RHOT2: variants seen among roughly 807,000 people sequenced by gnomAD.
RHOT2 encodes the protein ras homolog family member T2, also known as mitochondrial Rho GTPase 2.
In RHOT2, 90 loss-of-function variants were observed where a neutral mutation model predicts 81.6. The observed-to-expected ratio is 1.10, with a 90% CI of 0.93 to 1.31. The LOEUF (loss-of-function observed/expected upper bound fraction) is 1.31. RHOT2 is among the 40% of genes most tolerant of loss of function. The pLI is 0.00. For synonymous variants in RHOT2, 512 were observed against 370.9 expected (o/e 1.38, Z -4.37); for missense variants, 1,014 against 841.9 (o/e 1.20, Z -2.53).
At chr16:673,229 C>T in intron 18 of RHOT2, 99 bp downstream of exon 18, 5 of 1,391,886 alleles carry the variant, frequency 3.6e-6, no homozygotes, top group Non-Finnish European at 5.0e-6. Context: ...CTAGCAGTGT[C>T]TGTCATCCGA....
At chr16:669,941 A>T in intron 5 of RHOT2, 182 bp from the exon 6 acceptor site, 1 of 631,146 alleles carries the variant, frequency 1.6e-6, no homozygotes, top group Non-Finnish European at 2.7e-6. Context: ...CATTGGGGTC[A>T]GACAGATGAG....
chr16:669,613 C>G lies in RHOT2; in HGVS notation c.276+7C>G, dbSNP rs372000119. The G allele has an allele frequency of 6.2e-7, 1 of 1,611,350 alleles. No homozygotes were observed. The highest frequency in any genetic ancestry group is 1.3e-5 in the African/African-American group (1 of 75,042). ...GGAGGCCACCATTGAGAAGGTGAGC[C>G]CTCAGTGCAGACCCCAACAGCAGAG... On this transcript the variant is annotated splice_region_variant and intron_variant, in intron 5 of 18. Coordinates refer to ENST00000315082, the MANE Select transcript of RHOT2 (RefSeq NM_138769.3).
In RHOT2 at chr16:670,292, G is replaced by A. The variant is rs1166423045; in HGVS notation, c.373G>A (p.Gly125Arg). 1.5e-5 allele frequency: 24 copies of A among 1,612,788 alleles called. No individual in the cohort carries two copies. Among genetic ancestry groups the A allele is most frequent in the Non-Finnish European group, 1.9e-5 (23 of 1,179,966 alleles). ...GGGCAACAAGTCAGACCTGCGGTCG[G>A]GGAGCTCCATGGAGGCCGTGCTCCC... ...LVGNKSDLRS[G>R]SSMEAVLPIM... The change falls in exon 7 of 19, where the codon GGG becomes AGG. Residue 125 changes from glycine (G) to arginine (R), a missense_variant. Transcript: ENST00000315082.
At position 671,904 on chromosome 16, in the gene RHOT2, C is replaced by T. The variant is rs151260311; in HGVS notation, c.999C>T (p.Phe333=). The change falls in exon 13 of 19, where the codon TTC becomes TTT. Residue 333 remains phenylalanine (F), a synonymous_variant. Coordinates refer to ENST00000315082, the MANE Select transcript of RHOT2 (RefSeq NM_138769.3). The part of the protein sequence containing the change: ...ALSPVELQSL[F]SVFPAAPWGP... ...CGCCCGTGGAGCTGCAAAGCCTTTT[C>T]AGTGTGTTCCCAGCAGCGCCCTGGG... The T allele has an allele frequency of 3.1e-4, 494 of 1,606,214 alleles. 1 individual carries two copies. The African/African-American group carries it at 6.1e-3, about 20-fold the overall frequency.
In RHOT2 at chr16:672,683, A is replaced by G. The variant is rs1395344466; in HGVS notation, c.1405-20A>G. The G allele has an allele frequency of 6.2e-7, 1 of 1,611,692 alleles. No homozygotes were observed. Among genetic ancestry groups the G allele is most frequent in the Non-Finnish European group, 8.5e-7 (1 of 1,179,898 alleles). On this transcript the variant is annotated intron_variant, in intron 16 of 18. Transcript: ENST00000315082. ...GGACCGAGCCCCAGGGACCCTTCCT[A>G]AGGCCGCTGTCTGTCCCAGCTCTGT... is the stretch of plus-strand genomic sequence containing the variant.
At position 672,736 on chromosome 16, in the gene RHOT2, A is replaced by C; in HGVS notation, c.1438A>C (p.Thr480Pro). ...GGTGGGCACAGATGGTCTGCTGGCC[A>C]CATCGCTGGACGCCACCTGTGACGT... The part of the protein sequence containing the change: ...CEVGTDGLLA[T>P]SLDATCDVAC... Residue 480 changes from threonine (T) to proline (P), a missense_variant, in exon 17 of 19, where the codon ACA becomes CCA. Thr to Pro is a conservative substitution (Grantham distance 38). Transcript: ENST00000315082. 6.2e-7 allele frequency: 1 copy of C among 1,612,538 alleles called. No individual in the cohort carries two copies. Among genetic ancestry groups the C allele is most frequent in the Non-Finnish European group, 8.5e-7 (1 of 1,179,980 alleles).
At chr16:673,221 A>G (rs2039269480) in intron 18 of RHOT2, 91 bp downstream of exon 18, 3 of 1,416,636 alleles carry the variant, frequency 2.1e-6, no homozygotes, top group Non-Finnish European at 2.9e-6. Context: ...ACTGGGGACT[A>G]GCAGTGTCTG....
chr16:672,601 G>T, intron 16 of RHOT2, 35 bp downstream of exon 16: 1 of 1,611,036 alleles, frequency 6.2e-7, no homozygotes, highest in Non-Finnish European at 8.5e-7. Flanking sequence ...GTGCCCGAGG[G>T]TGGACCCGGG....
intron 16 of RHOT2, 45 bp downstream of exon 16, chr16:672,611 G>T: frequency 6.2e-7 from 1 of 1,610,482 alleles, no homozygotes; most frequent in Non-Finnish European, 8.5e-7. Flanking sequence ...GTGGACCCGG[G>T]GACACCCAGG....
rs925835533 is a variant in RHOT2, at chr16:671,561, G to T, written c.870-136G>T. Reference sequence around the variant, plus strand: ...CCTCCTCCCCTATCGCAGCTGCAAGGTCGGGGGCGTACAGGAGCCTCTGGG... The same window carrying T: ...CCTCCTCCCCTATCGCAGCTGCAAGTTCGGGGGCGTACAGGAGCCTCTGGG... On this transcript the variant is annotated intron_variant, in intron 11 of 18. Coordinates refer to ENST00000315082, the MANE Select transcript of RHOT2 (RefSeq NM_138769.3). 1.3e-5 allele frequency: 13 copies of T among 964,182 alleles called. No homozygotes were observed. In the Admixed American group the frequency reaches 1.5e-4, roughly 11 times the overall value. The allele number at this position is 964,182 out of a possible 1,614,324, so 59.7% of individuals were successfully genotyped here. A position where few individuals can be genotyped will look rare whatever the true frequency, so the allele number is the denominator to read the frequency against.
At chr16:668,631 C>T in intron 3 of RHOT2, 25 bp from the exon 4 acceptor site, 3 of 1,609,020 alleles carry the variant, frequency 1.9e-6, no homozygotes, top group East Asian at 2.2e-5. Flanking sequence ...GCTGGGTCCG[C>T]AGTGGAGTCT....
At position 671,706 on chromosome 16, in the gene RHOT2, G is replaced by GCCC; in HGVS notation, c.883_885dup (p.Pro295dup). ...TGTGGCCTCCCTGCAGGATCCACGT[G>GCCC]CCCCCCGGCTGCAGCACGGAGCTCA... is the stretch of plus-strand genomic sequence containing the variant. On this transcript the variant is annotated inframe_insertion, in exon 12 of 19. Transcript: ENST00000315082. 1 of 1,612,046 alleles carries GCCC rather than the reference G, an allele frequency of 6.2e-7. No homozygotes were observed. The highest frequency in any genetic ancestry group is 1.1e-5 in the South Asian group (1 of 91,070).
At position 668,635 on chromosome 16, in the gene RHOT2, GGA is replaced by G. The variant is rs2038344247; in HGVS notation, c.179-19_179-18del. ...CCGGCGGGCCTGCTGGGTCCGCAGT[GGA>G]GTCTCTTTGTCCCCCTAGAAGCCGA... On this transcript the variant is annotated intron_variant, in intron 3 of 18. Coordinates refer to ENST00000315082, the MANE Select transcript of RHOT2 (RefSeq NM_138769.3). 6.2e-7 allele frequency: 1 copy of G among 1,609,142 alleles called. No homozygotes were observed. Among genetic ancestry groups the G allele is most frequent in the Non-Finnish European group, 8.5e-7 (1 of 1,178,524 alleles).
intron 11 of RHOT2, 125 bp downstream of exon 11, chr16:671,328 C>G (rs2038900055): frequency 2.2e-6 from 3 of 1,387,326 alleles, no homozygotes; most frequent in Non-Finnish European, 2.9e-6. Flanking sequence ...CAGTGAAGGT[C>G]TCGCTCAGCA....
Position 670,745 on chromosome 16 carries a change from T to C in RHOT2, c.611T>C (p.Leu204Pro), listed in dbSNP as rs1317547927. ...TCAGATCAGGACCTGGACCAGGCGC[T>C]CAGTGACGAAGAGCTCAACGCTTTC... ...RLSDQDLDQA[L>P]SDEELNAFQK... Residue 204 changes from leucine to proline, a missense_variant, in exon 9 of 19, where the codon CTC (leucine) becomes CCC (proline). Coordinates refer to ENST00000315082, the MANE Select transcript of RHOT2 (RefSeq NM_138769.3). 6.2e-7 allele frequency: 1 copy of C among 1,612,338 alleles called. No individual in the cohort carries two copies. Among genetic ancestry groups the C allele is most frequent in the Non-Finnish European group, 8.5e-7 (1 of 1,179,936 alleles).
At position 668,250 on chromosome 16, in the gene RHOT2, C is replaced by G. The variant is rs1204025867; in HGVS notation, c.37+14C>G. Reference sequence around the variant, plus strand: ...TACTGGGCGAGGGTAGGCGCCGGCCCGGGGGTCTCGGAGCTGCGGCGGCCG... The same window carrying G: ...TACTGGGCGAGGGTAGGCGCCGGCCGGGGGGTCTCGGAGCTGCGGCGGCCG... On this transcript the variant is annotated intron_variant, in intron 1 of 18. Transcript: ENST00000315082. The G allele has an allele frequency of 1.3e-6, 1 of 783,040 alleles. No individual in the cohort carries two copies. The highest frequency in any genetic ancestry group is 1.8e-6 in the Non-Finnish European group (1 of 545,782). 48.5% of individuals were successfully genotyped at this position (783,040 alleles called of 1,614,324 possible). A position where few individuals can be genotyped will look rare whatever the true frequency, so the allele number is the denominator to read the frequency against.
At position 668,490 on chromosome 16, in the gene RHOT2, C is replaced by T. The variant is rs967432051; in HGVS notation, c.99C>T (p.Val33=). The T allele has an allele frequency of 1.5e-5, 24 of 1,604,674 alleles. No homozygotes were observed. In the African/African-American group the frequency reaches 2.6e-4, roughly 17 times the overall value. The change falls in exon 3 of 19, where the codon GTC becomes GTT. Residue 33 remains valine (V), a splice_region_variant and synonymous_variant. Coordinates refer to ENST00000315082, the MANE Select transcript of RHOT2 (RefSeq NM_138769.3). Reference sequence around the variant, plus strand: ...GTGAGCGCGCGGGTCCCTTGCAGGTCCCTCCCCGCGCGGAGGAGATCACCA... The same window carrying T: ...GTGAGCGCGCGGGTCCCTTGCAGGTTCCTCCCCGCGCGGAGGAGATCACCA... ...SLVGEEFPEE[V]PPRAEEITIP...
Position 672,019 on chromosome 16 carries a change from C to T in RHOT2, c.1097+17C>T. On this transcript the variant is annotated intron_variant, in intron 13 of 18. Coordinates refer to ENST00000315082, the MANE Select transcript of RHOT2 (RefSeq NM_138769.3). Reference sequence around the variant, plus strand: ...CCAGTGGACGTAAGTGCGGCCCACACCATGCCCGCCTGCCGCACCACCCTC... The same window carrying T: ...CCAGTGGACGTAAGTGCGGCCCACATCATGCCCGCCTGCCGCACCACCCTC... 1 of 1,611,736 alleles carries T rather than the reference C, an allele frequency of 6.2e-7. No homozygotes were observed. The highest frequency in any genetic ancestry group is 8.5e-7 in the Non-Finnish European group (1 of 1,179,510).
rs765929506 is a variant in RHOT2 at position 671,840 on chromosome 16, C to T, written c.955-20C>T. On this transcript the variant is annotated intron_variant, in intron 12 of 18. Transcript: ENST00000315082. ...CGCCCCCTCCCCGGCACACACATCA[C>T]CACATCCCTCCTTCTGCAGGACCGC... is the stretch of plus-strand genomic sequence containing the variant. 2 of 1,553,212 alleles carry T rather than the reference C, an allele frequency of 1.3e-6. No homozygotes were observed. Among genetic ancestry groups the T allele is most frequent in the African/African-American group, 1.4e-5 (1 of 69,212 alleles).
Sources: gnomAD v4.1 joint callset for allele counts on GRCh38, gnomAD v4.1.1 for gene constraint, MANE v1.5 for transcripts, NCBI Gene and HGNC (gene_info 2026-07-23, HGNC 2026-07-21) for gene names.